The following GNG7 variants were observed in gnomAD, a reference collection of about 807,000 sequenced individuals.
GNG7 encodes guanine nucleotide-binding protein G(I)/G(S)/G(O) subunit gamma-7.
A neutral mutation model predicts 4.0 loss-of-function variants in GNG7; 1 was observed. The ratio of observed to expected loss-of-function variants is 0.25; its 90% CI spans 0.09 to 1.18. The LOEUF (loss-of-function observed/expected upper bound fraction) is 1.18, where lower values mean the gene tolerates loss of function less well. Among genes scored for constraint, GNG7 ranks in the 50% most tolerant of loss-of-function variants. The pLI, the probability that GNG7 is intolerant of heterozygous loss-of-function variation, is 0.50. For synonymous variants in GNG7, 34 were observed against 36.9 expected (o/e 0.92, Z 0.29); for missense variants, 86 against 91.9 (o/e 0.94, Z 0.26).
At chr19:2,642,937 G>T (rs762450622) in intron 2 of GNG7, 1 of 435,338 alleles carries the variant, frequency 2.3e-6, no homozygotes, top group Admixed American at 2.5e-5. Flanking sequence ...GACCTCTCCG[G>T]GCTCTGCACA....
intron 2 of GNG7, among the ~76,000 whole-genome samples, chr19:2,591,564 A>C (rs1980852231): frequency 6.6e-6 from 1 of 150,652 alleles, no homozygotes; most frequent in African/African-American, 2.4e-5. Flanking sequence ...AAAGAACCAA[A>C]GTTGGGGGAA....
At position 2,638,757 on chromosome 19, in the gene GNG7, G is replaced by C. The variant is rs964251947; in HGVS notation, c.-78+7467C>G. Among the ~76,000 whole-genome samples, 3 of 152,012 alleles carry C rather than the reference G, an allele frequency of 2.0e-5. No homozygotes were observed. In the South Asian group the frequency reaches 6.3e-4, roughly 32 times the overall value. On this transcript the variant is annotated intron_variant, in intron 2 of 4. Transcript: ENST00000382159. ...AGCATCCCCTGGGGAGGGGAGGGGAGGGGAGGGTTGGGTCAGAATCACCCC... is the reference window on the plus strand; with the variant it reads ...AGCATCCCCTGGGGAGGGGAGGGGACGGGAGGGTTGGGTCAGAATCACCCC...
intron 4 of GNG7, among the ~76,000 whole-genome samples, chr19:2,515,972 TGGGAGGCG>T (rs1972729790): frequency 6.6e-6 from 1 of 151,738 alleles, no homozygotes; most frequent in African/African-American, 2.4e-5. Context: ...CCCAACATGT[TGGGAGGCG>T]GAGGCGGGAG....
intron 1 of GNG7, among the ~76,000 whole-genome samples, chr19:2,652,681 G>A (rs1430404615): frequency 6.6e-6 from 1 of 152,064 alleles, no homozygotes; most frequent in African/African-American, 2.4e-5. Context: ...AGAGCGGTTA[G>A]TGGTAGAGGA....
chr19:2,590,002 G>T (rs928036256), intron 2 of GNG7, among the ~76,000 whole-genome samples: 1 of 152,116 alleles, frequency 6.6e-6, no homozygotes, highest in African/African-American at 2.4e-5. Context: ...AGTAGAGACA[G>T]GGTTTCACCC....
intron 1 of GNG7, among the ~76,000 whole-genome samples, chr19:2,666,759 T>C (rs1351883904): frequency 1.3e-5 from 2 of 152,260 alleles, no homozygotes; most frequent in Non-Finnish European, 2.9e-5. Context: ...CCATAGACTA[T>C]GCATAAATAA....
chr19:2,621,753 G>C (rs1421498713), intron 2 of GNG7, among the ~76,000 whole-genome samples: 1 of 152,088 alleles, frequency 6.6e-6, no homozygotes, highest in Admixed American at 6.5e-5. Flanking sequence ...AGAGACAGCA[G>C]AAAACAGAAG....
At chr19:2,694,045 T>C (rs1913190549) in intron 1 of GNG7, among the ~76,000 whole-genome samples, 1 of 152,136 alleles carries the variant, frequency 6.6e-6, no homozygotes, top group Non-Finnish European at 1.5e-5. Context: ...AATGTCTCTA[T>C]GCCTAAGAAA....
In GNG7 at chr19:2,633,485, G is replaced by GCACACACA. The variant is rs1294558407; in HGVS notation, c.-78+12738_-78+12739insTGTGTGTG. On this transcript the variant is annotated intron_variant, in intron 2 of 4. Transcript: ENST00000382159. The surrounding 1 kb of genome is among the most constrained non-coding windows in gnomAD (Gnocchi z 5.9). Reference sequence around the variant, plus strand: ...CTTAGCAACAGGCGCGCGCGCGCGCGCGCACACACACACACACACACACAC... The same window carrying GCACACACA: ...CTTAGCAACAGGCGCGCGCGCGCGCGCACACACACGCACACACACACACACACACACAC... Among the ~76,000 whole-genome samples, 1,498 of 131,892 alleles carry GCACACACA rather than the reference G, an allele frequency of 0.011. 13 individuals carry two copies. Among genetic ancestry groups the GCACACACA allele is most frequent in the South Asian group, 0.016 (62 of 3,936 alleles). The allele number at this position is 131,892 out of a possible 152,430, so 86.5% of individuals were successfully genotyped here.
intron 3 of GNG7, among the ~76,000 whole-genome samples, chr19:2,529,036 G>C (rs740054): frequency 0.28 from 42,139 of 152,086 alleles, 6,314 homozygotes; most frequent in East Asian, 0.51. Context: ...CCACTCCCCT[G>C]ACCTGCCCTG....
chr19:2,660,595 C>A (rs1392345076), intron 1 of GNG7, among the ~76,000 whole-genome samples: 1 of 130,776 alleles, frequency 7.6e-6, no homozygotes. Flanking sequence ...TAGTGAGACA[C>A]CCCCACCACC....
chr19:2,515,767 C>T (rs569524247), intron 4 of GNG7, among the ~76,000 whole-genome samples: 1 of 152,104 alleles, frequency 6.6e-6, no homozygotes, highest in African/African-American at 2.4e-5. Context: ...CAGGCCTATC[C>T]ACAGAGACAG....
At position 2,617,904 on chromosome 19, in the gene GNG7, G is replaced by A. The variant is rs1981765093; in HGVS notation, c.-78+28320C>T. On this transcript the variant is annotated intron_variant, in intron 2 of 4. Transcript: ENST00000382159. This position sits in a 1 kb window ranked among gnomAD's most constrained non-coding sequence, Gnocchi z 4.7. ...CGGCTAATTTTTTAAATGTTTTGTA[G>A]AGATACGGTCCTGCTATGTTGCCCA... is the stretch of plus-strand genomic sequence containing the variant. 6.6e-6 allele frequency among the ~76,000 whole-genome samples: 1 copy of A among 151,966 alleles called. No homozygotes were observed. The highest frequency in any genetic ancestry group is 2.4e-5 in the African/African-American group (1 of 41,378).
At chr19:2,639,427 G>A (rs1389136512) in intron 2 of GNG7, among the ~76,000 whole-genome samples, 1 of 131,998 alleles carries the variant, frequency 7.6e-6, no homozygotes, top group Non-Finnish European at 1.6e-5. Flanking sequence ...GAGAACGGTC[G>A]GATTCACCGG....
intron 1 of GNG7, among the ~76,000 whole-genome samples, chr19:2,689,644 A>C (rs1262513025): frequency 9.9e-5 from 15 of 150,782 alleles, no homozygotes; most frequent in African/African-American, 2.9e-4. Context: ...AAAAAAAAAA[A>C]AAAAACCATA....
chr19:2,693,697 C>T (rs1913184397), intron 1 of GNG7, among the ~76,000 whole-genome samples: 1 of 152,100 alleles, frequency 6.6e-6, no homozygotes, highest in African/African-American at 2.4e-5. Flanking sequence ...AGGAGCAGCC[C>T]CGGTTGTGAC....
chr19:2,614,018 A>C lies in GNG7; in HGVS notation c.-78+32206T>G. ...TAAAGGCCGGCAAGTGCAATGCAGA[A>C]TCCACCCAGGGAACTCGGGCCCCGC... On this transcript the variant is annotated intron_variant, in intron 2 of 4. Transcript: ENST00000382159. The surrounding 1 kb of genome is among the most constrained non-coding windows in gnomAD (Gnocchi z 6.0). Among the ~76,000 whole-genome samples the C allele has an allele frequency of 6.6e-6, 1 of 152,224 alleles. No individual in the cohort carries two copies.
At chr19:2,637,041 CCTGCACACCCA>C (rs1352251750) in intron 2 of GNG7, among the ~76,000 whole-genome samples, 1 of 151,940 alleles carries the variant, frequency 6.6e-6, no homozygotes, top group Non-Finnish European at 1.5e-5. Context: ...CCTGCACCCA[CCTGCACACCCA>C]CTGCACCCCC....
At chr19:2,578,810 A>G (rs944444475) in intron 2 of GNG7, among the ~76,000 whole-genome samples, 1 of 152,166 alleles carries the variant, frequency 6.6e-6, no homozygotes, top group African/African-American at 2.4e-5. Context: ...GTTAACATGC[A>G]CAAGTAGGGA....
Sources: gnomAD v4.1 joint callset for allele counts (sites outside exome capture counted in the v4.1 genomes callset) on GRCh38, gnomAD v4.1.1 for gene constraint, Gnocchi (gnomAD v3.1) non-coding constraint, MANE v1.5 for transcripts, NCBI Gene and HGNC (gene_info 2026-07-23, HGNC 2026-07-21) for gene names.